TRMT9B: variants seen among roughly 807,000 people sequenced by gnomAD.
TRMT9B encodes the protein probable tRNA methyltransferase 9B.
TRMT9B carries 16 observed loss-of-function variants against 11.5 expected under a neutral mutation model. The observed-to-expected ratio is 1.39, with a 90% CI of 0.94 to 2.11. The LOEUF (loss-of-function observed/expected upper bound fraction) is 2.11. TRMT9B is among the 30% of genes most tolerant of loss of function. TRMT9B has a pLI of 0.00. For missense variants in TRMT9B, 941 were observed against 553.8 expected, an observed-to-expected ratio of 1.70 and a Z score of -7.02; for synonymous variants, 274 against 192.4, an observed-to-expected ratio of 1.42 and a Z score of -3.51.
chr8:13,002,829 T>C (rs1809705362), intron 2 of TRMT9B, among the ~76,000 whole-genome samples: 1 of 152,100 alleles, frequency 6.6e-6, no homozygotes. Flanking sequence ...TACTTCCCAC[T>C]TCCCAGGATA....
chr8:12,969,072 G>A lies in TRMT9B; in HGVS notation c.-199-21762G>A, dbSNP rs567057692. Among the ~76,000 whole-genome samples the A allele has an allele frequency of 2.6e-5, 4 of 152,244 alleles. 1 individual carries two copies. In the South Asian group the frequency reaches 6.2e-4, roughly 24 times the overall value. On this transcript the variant is annotated intron_variant, in intron 1 of 4. Coordinates refer to ENST00000524591, the MANE Select transcript of TRMT9B (RefSeq NM_020844.3). ...ACTAATAATAGAAAATATTGGCCGG[G>A]CGTGGTAGCATGCACCTGTAATTCT...
chr8:12,990,576 C>G lies in TRMT9B; in HGVS notation c.-199-258C>G, dbSNP rs78594142. Among the ~76,000 whole-genome samples, 8 of 152,210 alleles carry G rather than the reference C, an allele frequency of 5.3e-5. No individual in the cohort carries two copies. In the East Asian group the frequency reaches 1.5e-3, roughly 29 times the overall value. On this transcript the variant is annotated intron_variant, in intron 1 of 4. Transcript: ENST00000524591. Reference sequence around the variant, plus strand: ...TGACTCTCAATGTTAGCAATTTTCCCAGGAACAAGATGAAATCATTCAATT... The same window carrying G: ...TGACTCTCAATGTTAGCAATTTTCCGAGGAACAAGATGAAATCATTCAATT...
rs1472796625 is a variant in TRMT9B, at chr8:13,025,710, C to A, written c.*3666C>A. On this transcript the variant is annotated 3_prime_UTR_variant, in exon 5 of 5. Transcript: ENST00000524591. Reference sequence around the variant, plus strand: ...TGCCAGTATAGTGATGATATGACACCAGCATATCAAAGTAACTAACAAACT... The same window carrying A: ...TGCCAGTATAGTGATGATATGACACAAGCATATCAAAGTAACTAACAAACT... The A allele has an allele frequency of 6.0e-6, 1 of 166,994 alleles. No individual in the cohort carries two copies. Among genetic ancestry groups the A allele is most frequent in the African/African-American group, 2.4e-5 (1 of 41,436 alleles). The allele number at this position is 166,994 out of a possible 1,614,324, so 10.3% of individuals were successfully genotyped here. A position where few individuals can be genotyped will look rare whatever the true frequency, so the allele number is the denominator to read the frequency against.
intron 1 of TRMT9B, chr8:12,960,207 TC>T (rs1801904950): frequency 6.6e-6 from 1 of 152,224 alleles, no homozygotes; most frequent in Non-Finnish European, 1.5e-5. Flanking sequence ...GTTTTGGCAC[TC>T]TAAGGAGTCA....
intron 2 of TRMT9B, among the ~76,000 whole-genome samples, chr8:12,994,532 C>T (rs969852973): frequency 6.6e-6 from 1 of 152,106 alleles, no homozygotes; most frequent in East Asian, 1.9e-4. Context: ...TTAATTTATG[C>T]GTCTTAGCTA....
At chr8:12,999,415 G>C (rs1425555619) in intron 2 of TRMT9B, among the ~76,000 whole-genome samples, 17 of 151,804 alleles carry the variant, frequency 1.1e-4, no homozygotes, top group Admixed American at 1.1e-3. Context: ...TGTCTTGATG[G>C]TTTCACACAT....
intron 1 of TRMT9B, among the ~76,000 whole-genome samples, chr8:12,963,996 G>A (rs1438017043): frequency 6.6e-6 from 1 of 152,104 alleles, no homozygotes; most frequent in South Asian, 2.1e-4. Context: ...CATCAGCTTT[G>A]GTTTTGTAAA....
At chr8:12,979,850 C>A (rs1349091528) in intron 1 of TRMT9B, among the ~76,000 whole-genome samples, 1 of 152,172 alleles carries the variant, frequency 6.6e-6, no homozygotes, top group Non-Finnish European at 1.5e-5. Context: ...AAAACATTTT[C>A]TGGAATACAG....
chr8:13,000,625 C>A (rs1809249455), intron 2 of TRMT9B, among the ~76,000 whole-genome samples: 1 of 152,126 alleles, frequency 6.6e-6, no homozygotes, highest in African/African-American at 2.4e-5. Flanking sequence ...TTTACGATTT[C>A]TTTTGATTGC....
chr8:13,004,083 C>A (rs1809969251), intron 2 of TRMT9B, among the ~76,000 whole-genome samples: 1 of 151,948 alleles, frequency 6.6e-6, no homozygotes, highest in Non-Finnish European at 1.5e-5. Flanking sequence ...CTGAACTCAG[C>A]TGACAGCTGC....
rs1813956925 is a variant in TRMT9B, at chr8:13,021,744, T to C, written c.1065T>C (p.Thr355=). ...GGGNFLDSTN[T]GVNCVDAGNI... ...GAAATTTTCTGGATAGCACTAATAC[T>C]GGTGTGAATTGTGTGGATGCAGGCA... Residue 355 remains threonine (T), a synonymous_variant, in exon 5 of 5, where the codon ACT becomes ACC. Coordinates refer to ENST00000524591, the MANE Select transcript of TRMT9B (RefSeq NM_020844.3). 4.3e-6 allele frequency: 7 copies of C among 1,613,900 alleles called. No individual in the cohort carries two copies. Among genetic ancestry groups the C allele is most frequent in the African/African-American group, 4.0e-5 (3 of 74,938 alleles).
intron 1 of TRMT9B, among the ~76,000 whole-genome samples, chr8:12,974,660 G>A (rs990089072): frequency 2.0e-5 from 3 of 151,182 alleles, no homozygotes; most frequent in Admixed American, 1.3e-4. Context: ...CTGCGTTGCA[G>A]TGAAAGTAAT....
At chr8:12,973,628 C>G (rs1017490515) in intron 1 of TRMT9B, among the ~76,000 whole-genome samples, 1 of 151,772 alleles carries the variant, frequency 6.6e-6, no homozygotes, top group Non-Finnish European at 1.5e-5. Context: ...GAAGAGATGG[C>G]GGGTGAAACA....
intron 2 of TRMT9B, among the ~76,000 whole-genome samples, chr8:12,996,785 T>C (rs2128882434): frequency 6.6e-6 from 1 of 152,098 alleles, no homozygotes; most frequent in East Asian, 1.9e-4. Context: ...CTGAGCGCCC[T>C]CATGTAACCC....
At chr8:13,001,259 G>A (rs1809388369) in intron 2 of TRMT9B, among the ~76,000 whole-genome samples, 1 of 152,118 alleles carries the variant, frequency 6.6e-6, no homozygotes, top group Admixed American at 6.6e-5. Flanking sequence ...CTCAAGACTG[G>A]GTCAGTCTCA....
intron 4 of TRMT9B, among the ~76,000 whole-genome samples, chr8:13,020,541 T>C (rs919270892): frequency 2.6e-5 from 4 of 152,242 alleles, no homozygotes; most frequent in Non-Finnish European, 5.9e-5. Context: ...AACATATTTC[T>C]GTACTTCTCA....
At chr8:12,994,650 C>G (rs767536968) in intron 2 of TRMT9B, among the ~76,000 whole-genome samples, 9 of 152,190 alleles carry the variant, frequency 5.9e-5, no homozygotes, top group Non-Finnish European at 1.0e-4. Context: ...ATTCTTCTTG[C>G]AAGTGCAATT....
chr8:13,011,375 A>C (rs1380074198), intron 3 of TRMT9B: 1 of 985,286 alleles, frequency 1.0e-6, no homozygotes, highest in Non-Finnish European at 1.2e-6. Context: ...ATAATTTTGA[A>C]AGTGCCTAGT....
At chr8:12,947,528 C>T (rs1023270053) in intron 1 of TRMT9B, among the ~76,000 whole-genome samples, 1 of 152,146 alleles carries the variant, frequency 6.6e-6, no homozygotes, top group African/African-American at 2.4e-5. Context: ...AATAGATGGT[C>T]AAGGCTGAAG....
Sources: allele counts gnomAD v4.1 joint callset (sites outside exome capture counted in the v4.1 genomes callset), GRCh38; gene constraint gnomAD v4.1.1; transcripts MANE v1.5; gene names NCBI Gene and HGNC (gene_info 2026-07-23, HGNC 2026-07-21).